MTCL1: variants seen among roughly 807,000 people sequenced by gnomAD.
MTCL1 encodes the protein microtubule crosslinking factor 1.
A neutral mutation model predicts 141.4 loss-of-function variants in MTCL1; 79 were observed. That is an observed-to-expected ratio of 0.56 (90% CI 0.47 to 0.67). The LOEUF (loss-of-function observed/expected upper bound fraction) is 0.67. Among genes scored for constraint, MTCL1 ranks in the 30% least tolerant of loss-of-function variants. The probability of loss-of-function intolerance (pLI) is 0.00; values close to 1 mark genes in which losing one functional copy is unlikely to be tolerated. For synonymous variants in MTCL1, 914 were observed against 875.8 expected, an observed-to-expected ratio of 1.04 and a Z score of -0.77; for missense variants, 2,177 against 2,113.9, an observed-to-expected ratio of 1.03 and a Z score of -0.59.
exon 11 of MTCL1, chr18:8,806,912 T>C (rs2076318175): frequency 6.2e-7 from 1 of 1,613,342 alleles, no homozygotes. Context: ...AACCAGCAGC[T>C]GTTCAGCGCC....
chr18:8,808,356 G>A (rs1291332766), intron 11 of MTCL1, among the ~76,000 whole-genome samples: 1 of 152,214 alleles, frequency 6.6e-6, no homozygotes, highest in Non-Finnish European at 1.5e-5. Flanking sequence ...TATAGCTAAG[G>A]AAGGGAGGTG....
At chr18:8,712,956 T>C (rs1470905510), upstream of MTCL1, among the ~76,000 whole-genome samples, 1 of 152,186 alleles carries the variant, frequency 6.6e-6, no homozygotes, top group Non-Finnish European at 1.5e-5. Context: ...AGATTAAGAT[T>C]TTCATATAGT....
chr18:8,712,141 G>A (rs1455749360), intron 1 of MTCL1, among the ~76,000 whole-genome samples: 1 of 152,206 alleles, frequency 6.6e-6, no homozygotes, highest in African/African-American at 2.4e-5. Flanking sequence ...GTGAGGATTG[G>A]GGTGGGAAGA....
chr18:8,785,095 C>T (rs542984221), intron 6 of MTCL1, among the ~76,000 whole-genome samples: 18 of 151,786 alleles, frequency 1.2e-4, no homozygotes, highest in African/African-American at 4.1e-4. Context: ...TTAACTGCGC[C>T]GCGGCTCATG....
At chr18:8,768,161 C>G (rs2096467890) in intron 4 of MTCL1, among the ~76,000 whole-genome samples, 1 of 152,232 alleles carries the variant, frequency 6.6e-6, no homozygotes, top group South Asian at 2.1e-4. Flanking sequence ...CCCCACCATT[C>G]ACACTGTATG....
intron 15 of MTCL1, among the ~76,000 whole-genome samples, chr18:8,827,489 A>G (rs139257093): frequency 6.0e-4 from 91 of 152,370 alleles, no homozygotes; most frequent in African/African-American, 2.2e-3. Context: ...ATGTTCCAAG[A>G]TCTGAGTCTT....
chr18:8,776,295 A>C (rs980304890), intron 4 of MTCL1, among the ~76,000 whole-genome samples: 1 of 152,126 alleles, frequency 6.6e-6, no homozygotes, highest in Admixed American at 6.5e-5. Flanking sequence ...CTCAGGATTA[A>C]CTTAATCTTT....
At chr18:8,805,710 C>G (rs1391973877) in intron 10 of MTCL1, among the ~76,000 whole-genome samples, 4 of 152,060 alleles carry the variant, frequency 2.6e-5, no homozygotes. Context: ...CATAGTAGAG[C>G]TTATCTATGT....
chr18:8,739,475 CCCTACA>C (rs2096290640), intron 4 of MTCL1, among the ~76,000 whole-genome samples: 2 of 152,162 alleles, frequency 1.3e-5, no homozygotes, highest in South Asian at 4.1e-4. Flanking sequence ...TTATGAGACA[CCCTACA>C]CTGCCTAGGA....
exon 15 of MTCL1, chr18:8,825,342 A>G: frequency 6.5e-7 from 1 of 1,538,526 alleles, no homozygotes; most frequent in Non-Finnish European, 8.8e-7. Context: ...GGAGATGTCC[A>G]AGAACTTGAG....
exon 17 of MTCL1, chr18:8,831,692 G>T: frequency 4.5e-6 from 7 of 1,550,460 alleles, no homozygotes; most frequent in Non-Finnish European, 6.1e-6. Flanking sequence ...CCTCCGTCCC[G>T]TTGGGCCCCA....
chr18:8,757,639 C>T (rs546517374), intron 4 of MTCL1, among the ~76,000 whole-genome samples: 22 of 152,176 alleles, frequency 1.4e-4, no homozygotes, highest in Non-Finnish European at 2.8e-4. Flanking sequence ...AGGGCCGTGT[C>T]CCCTTGCAGA....
intron 14 of MTCL1, among the ~76,000 whole-genome samples, chr18:8,823,844 C>A (rs542884836): frequency 4.9e-4 from 75 of 152,264 alleles, no homozygotes; most frequent in Non-Finnish European, 1.0e-3. Context: ...CCAATTCTGG[C>A]CTCATCATCA....
At chr18:8,715,047 C>T (rs867111258), upstream of MTCL1, among the ~76,000 whole-genome samples, 4 of 152,200 alleles carry the variant, frequency 2.6e-5, no homozygotes, top group South Asian at 2.1e-4. Context: ...CCGCCCGCCT[C>T]GGCCTCCCAA....
intron 13 of MTCL1, 111 bp downstream of exon 12, chr18:8,819,370 A>T: frequency 9.0e-7 from 1 of 1,113,940 alleles, no homozygotes; most frequent in Middle Eastern, 3.0e-4. Flanking sequence ...GCACTTTTGC[A>T]TACAGCAACC....
chr18:8,832,736 T>C (rs557359299), exon 17 of MTCL1: 86 of 152,332 alleles, frequency 5.6e-4, no homozygotes, highest in African/African-American at 2.0e-3. Context: ...TGGGTCTGTA[T>C]GAGACCGTGA....
intron 9 of MTCL1, 125 bp downstream of exon 8, chr18:8,796,587 C>A: frequency 1.0e-6 from 1 of 1,002,466 alleles, no homozygotes; most frequent in Admixed American, 2.7e-5. Flanking sequence ...ATTTGGTTAA[C>A]ATCTAATATT....
At chr18:8,786,924 T>C (rs1208494813) in intron 7 of MTCL1, 1 of 157,794 alleles carries the variant, frequency 6.3e-6, no homozygotes, top group Non-Finnish European at 1.4e-5. Context: ...CCATGGGCTG[T>C]TTCTGGAACC....
chr18:8,738,755 C>A (rs1419153328), intron 4 of MTCL1, among the ~76,000 whole-genome samples: 1 of 152,164 alleles, frequency 6.6e-6, no homozygotes, highest in Non-Finnish European at 1.5e-5. Context: ...CTCACAGAGT[C>A]CTTCTTGGCT....
Sources: gnomAD v4.1 joint callset for allele counts (sites outside exome capture counted in the v4.1 genomes callset) on GRCh38, gnomAD v4.1.1 for gene constraint, MANE v1.5 for transcripts, NCBI Gene and HGNC (gene_info 2026-07-23, HGNC 2026-07-21) for gene names.